The following MS4A13 variants were observed in gnomAD, a reference collection of about 807,000 sequenced individuals.
The protein encoded by MS4A13 is membrane-spanning 4-domains subfamily A member 13.
Under a neutral mutation model 18.4 loss-of-function variants are expected in MS4A13, and 21 were observed. That is an observed-to-expected ratio of 1.14 (90% CI 0.81 to 1.64). MS4A13 has a LOEUF of 1.64. Ranked by LOEUF, MS4A13 falls within the 40% of genes most tolerant of loss-of-function variation. MS4A13 has a pLI of 0.00. For missense variants in MS4A13, 173 were observed against 176.8 expected, an observed-to-expected ratio of 0.98 and a Z score of 0.12; for synonymous variants, 62 against 57.2, an observed-to-expected ratio of 1.08 and a Z score of -0.38.
At chr11:60,520,073 G>A (rs1351223682) in intron 3 of MS4A13, among the ~76,000 whole-genome samples, 2 of 152,136 alleles carry the variant, frequency 1.3e-5, no homozygotes, top group Admixed American at 1.3e-4. Context: ...GATATGGTTT[G>A]GCTGTGTGTC....
At chr11:60,516,296 C>T (rs2086637187) in intron 2 of MS4A13, among the ~76,000 whole-genome samples, 1 of 151,798 alleles carries the variant, frequency 6.6e-6, no homozygotes, top group Non-Finnish European at 1.5e-5. Context: ...CCAACACACA[C>T]AGGATAATAG....
intron 5 of MS4A13, among the ~76,000 whole-genome samples, chr11:60,525,658 G>T (rs1014565349): frequency 6.6e-6 from 1 of 152,098 alleles, no homozygotes; most frequent in African/African-American, 2.4e-5. Context: ...AAACCATTTT[G>T]CAAATAAACA....
At chr11:60,519,719 CT>C (rs2086661015) in intron 3 of MS4A13, among the ~76,000 whole-genome samples, 1 of 152,014 alleles carries the variant, frequency 6.6e-6, no homozygotes, top group Admixed American at 6.6e-5. Flanking sequence ...AGCTGTGCAA[CT>C]ATAATAAAAC....
rs972577591 is a variant in MS4A13 at position 60,525,916 on chromosome 11, A to C, written c.306+590A>C. On this transcript the variant is annotated intron_variant, in intron 5 of 6. Coordinates refer to ENST00000378186, the MANE Select transcript of MS4A13 (RefSeq NM_001012417.3). ...GGCTTTAAATTCAGAATCATAAAAT[A>C]TTAGTGGGGCAAAAGACCTTAGCAA... Among the ~76,000 whole-genome samples the C allele has an allele frequency of 9.9e-5, 15 of 152,126 alleles. 1 individual carries two copies. The highest frequency in any genetic ancestry group is 3.9e-4 in the Admixed American group (6 of 15,260).
chr11:60,540,940 G>A (rs578087285), intron 6 of MS4A13, among the ~76,000 whole-genome samples: 38 of 133,682 alleles, frequency 2.8e-4, no homozygotes, highest in Admixed American at 8.7e-4. Flanking sequence ...GGGTGACAGA[G>A]TAAAACCCTA....
Position 60,529,439 on chromosome 11 carries a change from A to C in MS4A13, c.381A>C (p.Ser127=), listed in dbSNP as rs1018934749. 1 of 1,603,860 alleles carries C rather than the reference A, an allele frequency of 6.2e-7. No homozygotes were observed. Residue 127 remains serine (S), a synonymous_variant, in exon 6 of 7, where the codon TCA becomes TCC. Transcript: ENST00000378186. ...GLEFSIALTH[S]IYSCSNLFRR... ...AATTTTCTATTGCACTTACACACTCAATATACAGCTGTTCCAATTTGGTAA... is the reference window on the plus strand; with the variant it reads ...AATTTTCTATTGCACTTACACACTCCATATACAGCTGTTCCAATTTGGTAA...
intron 5 of MS4A13, among the ~76,000 whole-genome samples, chr11:60,527,729 C>G (rs10897081): frequency 0.16 from 24,989 of 151,702 alleles, 2,304 homozygotes; most frequent in East Asian, 0.27. Flanking sequence ...CCAGCTACTC[C>G]GGAGGCTAAG....
At chr11:60,530,569 T>C (rs2086757983) in intron 6 of MS4A13, among the ~76,000 whole-genome samples, 2 of 152,222 alleles carry the variant, frequency 1.3e-5, no homozygotes. Flanking sequence ...TTCTAAAGAT[T>C]CAGGAAGTTG....
At chr11:60,517,339 C>T (rs1029084449) in intron 2 of MS4A13, among the ~76,000 whole-genome samples, 26 of 152,116 alleles carry the variant, frequency 1.7e-4, no homozygotes, top group African/African-American at 5.5e-4. Flanking sequence ...TTTATGTGTC[C>T]TCTGTCATTT....
intron 6 of MS4A13, among the ~76,000 whole-genome samples, chr11:60,530,076 A>T (rs1463732256): frequency 2.6e-5 from 4 of 152,238 alleles, no homozygotes; most frequent in African/African-American, 4.8e-5. Context: ...ATGCTATAAC[A>T]ACTCACAAAA....
downstream of MS4A13, among the ~76,000 whole-genome samples, chr11:60,542,942 A>G (rs528679524): frequency 1.5e-3 from 236 of 152,288 alleles, 3 homozygotes; most frequent in African/African-American, 5.5e-3. Flanking sequence ...AAAACTTTAA[A>G]TACTTATGTC....
chr11:60,521,634 C>A (rs2086674377), intron 3 of MS4A13, among the ~76,000 whole-genome samples: 1 of 152,168 alleles, frequency 6.6e-6, no homozygotes, highest in Admixed American at 6.5e-5. Context: ...TTTTTCATAT[C>A]ATTATTGGCA....
rs1373615594 is a variant in MS4A13 at position 60,538,592 on chromosome 11, A to T, written c.403-3927A>T. Among the ~76,000 whole-genome samples, 7 of 152,262 alleles carry T rather than the reference A, an allele frequency of 4.6e-5. No individual in the cohort carries two copies. In the South Asian group the frequency reaches 1.0e-3, roughly 23 times the overall value. ...AATTTTAAGAAATAAAAATAAAAAA[A>T]AAAATTGCAGGGACAGTACAGAAAT... is the stretch of plus-strand genomic sequence containing the variant. On this transcript the variant is annotated intron_variant, in intron 6 of 6. Transcript: ENST00000378186.
At chr11:60,540,552 T>C (rs1195618876) in intron 6 of MS4A13, among the ~76,000 whole-genome samples, 1 of 152,166 alleles carries the variant, frequency 6.6e-6, no homozygotes, top group Non-Finnish European at 1.5e-5. Context: ...CTGTGATAAA[T>C]TAGGGTGCTT....
At chr11:60,531,587 T>G (rs2086767153) in intron 6 of MS4A13, among the ~76,000 whole-genome samples, 1 of 152,200 alleles carries the variant, frequency 6.6e-6, no homozygotes, top group Non-Finnish European at 1.5e-5. Context: ...GTCTAATACT[T>G]TCCTAGAGCT....
chr11:60,527,950 G>T (rs539104345), intron 5 of MS4A13, among the ~76,000 whole-genome samples: 7 of 152,148 alleles, frequency 4.6e-5, no homozygotes, highest in Non-Finnish European at 8.8e-5. Context: ...TTATGATTAT[G>T]ATTGTGCATT....
chr11:60,522,496 T>C (rs1449545485), intron 3 of MS4A13, among the ~76,000 whole-genome samples: 2 of 152,034 alleles, frequency 1.3e-5, no homozygotes, highest in Non-Finnish European at 2.9e-5. Flanking sequence ...GGAAACCACT[T>C]ATCCCACACT....
intron 6 of MS4A13, among the ~76,000 whole-genome samples, chr11:60,531,298 A>T (rs1287132472): frequency 6.6e-6 from 1 of 152,214 alleles, no homozygotes; most frequent in Non-Finnish European, 1.5e-5. Flanking sequence ...CAAAAAATTT[A>T]CTAGCAACCA....
Position 60,515,505 on chromosome 11 carries a change from C to T in MS4A13, c.-231C>T, listed in dbSNP as rs551438867. 1 of 152,436 alleles carries T rather than the reference C, an allele frequency of 6.6e-6. No homozygotes were observed. The highest frequency in any genetic ancestry group is 2.4e-5 in the African/African-American group (1 of 41,596). 9.4% of individuals were successfully genotyped at this position (152,436 alleles called of 1,614,324 possible). A position where few individuals can be genotyped will look rare whatever the true frequency, so the allele number is the denominator to read the frequency against. ...CGCTGAGCGCGTTGCCAGCCGGGAT[C>T]TTCCTCTTCATCTAGGCCTGGGCGC... On this transcript the variant is annotated 5_prime_UTR_variant, in exon 1 of 7. Coordinates refer to ENST00000378186, the MANE Select transcript of MS4A13 (RefSeq NM_001012417.3).
Sources: allele counts gnomAD v4.1 joint callset (sites outside exome capture counted in the v4.1 genomes callset), GRCh38; gene constraint gnomAD v4.1.1; transcripts MANE v1.5; gene names NCBI Gene and HGNC (gene_info 2026-07-23, HGNC 2026-07-21).